The following LRRFIP2 variants were observed in gnomAD, a reference collection of about 807,000 sequenced individuals.
The protein encoded by LRRFIP2 is leucine-rich repeat flightless-interacting protein 2.
In LRRFIP2, 109 loss-of-function variants were observed where a neutral mutation model predicts 125.9. The ratio of observed to expected loss-of-function variants is 0.87; its 90% confidence interval spans 0.74 to 1.01. The LOEUF is 1.01. Among genes scored for constraint, LRRFIP2 ranks in the 50% least tolerant of loss-of-function variants. The pLI is 0.00. For missense variants in LRRFIP2, 850 were observed against 862.3 expected (o/e 0.99, Z 0.18); for synonymous variants, 291 against 293.1 (o/e 0.99, Z 0.07).
intron 1 of LRRFIP2, among the ~76,000 whole-genome samples, chr3:37,165,296 G>A (rs148036762): frequency 0.02 from 3,096 of 151,722 alleles, 50 homozygotes; most frequent in Non-Finnish European, 0.028. Context: ...TAGGTTGTGC[G>A]TTCCTTATGA....
At chr3:37,116,209 C>T (rs1357307929) in intron 6 of LRRFIP2, among the ~76,000 whole-genome samples, 2 of 152,090 alleles carry the variant, frequency 1.3e-5, no homozygotes, top group African/African-American at 2.4e-5. Context: ...ACCGCAACAT[C>T]GAACTCCTGG....
chr3:37,093,679 G>C (rs893417274), intron 17 of LRRFIP2, among the ~76,000 whole-genome samples: 1 of 152,164 alleles, frequency 6.6e-6, no homozygotes, highest in African/African-American at 2.4e-5. Flanking sequence ...AAAGCAGATA[G>C]TATTGCTCTC....
chr3:37,055,537 G>A (rs953536716), intron 25 of LRRFIP2, among the ~76,000 whole-genome samples: 1 of 152,124 alleles, frequency 6.6e-6, no homozygotes, highest in African/African-American at 2.4e-5. Flanking sequence ...CTGCACTCCA[G>A]CCTGGCAACA....
chr3:37,176,110 G>C (rs1328925734), upstream of LRRFIP2: 1 of 152,378 alleles, frequency 6.6e-6, no homozygotes, highest in Non-Finnish European at 1.5e-5. Flanking sequence ...AAGGGCCGAA[G>C]AGCTGCTCGC....
chr3:37,164,939 A>G (rs1232877769), intron 1 of LRRFIP2, among the ~76,000 whole-genome samples: 1 of 152,158 alleles, frequency 6.6e-6, no homozygotes, highest in African/African-American at 2.4e-5. Flanking sequence ...GTTACATTAT[A>G]TAAGACTGTC....
At chr3:37,112,814 T>C (rs893127716) in intron 8 of LRRFIP2, 101 bp downstream of exon 8, 3 of 605,168 alleles carry the variant, frequency 5.0e-6, no homozygotes, top group African/African-American at 3.7e-5. Context: ...CAGCAGATTA[T>C]CAAGTTTCAA....
At chr3:37,135,033 G>A (rs553126934) in intron 2 of LRRFIP2, 77 of 1,457,754 alleles carry the variant, frequency 5.3e-5, no homozygotes, top group Non-Finnish European at 6.1e-5. Context: ...GAGAGCACAC[G>A]GATCCATAAA....
chr3:37,144,048 T>A (rs1373695944), intron 2 of LRRFIP2: 5 of 152,636 alleles, frequency 3.3e-5, no homozygotes, highest in Admixed American at 6.5e-5. Context: ...GTGTCAGCGC[T>A]ACTCCTGCCT....
chr3:37,131,611 G>A (rs190443487), intron 2 of LRRFIP2, among the ~76,000 whole-genome samples: 1 of 152,286 alleles, frequency 6.6e-6, no homozygotes, highest in African/African-American at 2.4e-5. Context: ...TATCCCCTCT[G>A]ATAACTATAG....
At chr3:37,119,130 G>A (rs571783887) in intron 6 of LRRFIP2, among the ~76,000 whole-genome samples, 1 of 152,272 alleles carries the variant, frequency 6.6e-6, no homozygotes, top group East Asian at 1.9e-4. Context: ...TGCACTCACA[G>A]AGAGTAATGT....
intron 18 of LRRFIP2, among the ~76,000 whole-genome samples, chr3:37,089,378 A>G (rs2093295266): frequency 6.6e-6 from 1 of 152,196 alleles, no homozygotes; most frequent in Non-Finnish European, 1.5e-5. Context: ...CTTTCCTGAT[A>G]AAAGGATGGA....
intron 2 of LRRFIP2, among the ~76,000 whole-genome samples, chr3:37,135,720 G>A (rs2095541540): frequency 6.6e-6 from 1 of 152,076 alleles, no homozygotes; most frequent in Admixed American, 6.5e-5. Context: ...TTAAAGAAAT[G>A]TAAATTAAAA....
rs982438156 is a variant in LRRFIP2 at position 37,126,633 on chromosome 3, C to A, written c.228+997G>T. The stretch of plus-strand genomic sequence containing the variant: ...CAGCACTTTGAGAGGCCGAGGCGGG[C>A]GGATCACCTGAGGTCAGTAGTTCGA... On this transcript the variant is annotated intron_variant, in intron 4 of 27. Coordinates refer to ENST00000336686, the MANE Select transcript of LRRFIP2 (RefSeq NM_006309.4). Among the ~76,000 whole-genome samples, 3 of 151,358 alleles carry A rather than the reference C, an allele frequency of 2.0e-5. No homozygotes were observed. The East Asian group carries it at 5.9e-4, about 30-fold the overall frequency.
intron 1 of LRRFIP2, among the ~76,000 whole-genome samples, chr3:37,165,855 AAG>A (rs149728858): frequency 0.019 from 2,449 of 132,022 alleles, 22 homozygotes; most frequent in Non-Finnish European, 0.02. Flanking sequence ...GAAAGAAAGA[AAG>A]AGAAAGAAAG....
Position 37,074,907 on chromosome 3 carries a change from C to G in LRRFIP2, c.1371+117G>C. 4.4e-6 allele frequency: 3 copies of G among 674,302 alleles called. 1 individual carries two copies. The South Asian group carries it at 5.4e-5, about 12-fold the overall frequency. The allele number at this position is 674,302 out of a possible 1,614,324, so 41.8% of individuals were successfully genotyped here. A position where few individuals can be genotyped will look rare whatever the true frequency, so the allele number is the denominator to read the frequency against. On this transcript the variant is annotated intron_variant, in intron 20 of 27. Transcript: ENST00000336686. Reference sequence around the variant, plus strand: ...TGTTTGAAAATTTGTAGTGTACAGTCAAATATAAAGAGACAAACTCTGATG... The same window carrying G: ...TGTTTGAAAATTTGTAGTGTACAGTGAAATATAAAGAGACAAACTCTGATG...
intron 22 of LRRFIP2, 48 bp downstream of exon 22, chr3:37,066,176 G>T: frequency 6.7e-7 from 1 of 1,488,280 alleles, no homozygotes; most frequent in South Asian, 1.1e-5. Context: ...AAGGAAGATA[G>T]AGAGTAAAAC....
chr3:37,098,464 T>C (rs2093845789), intron 15 of LRRFIP2, among the ~76,000 whole-genome samples: 1 of 151,898 alleles, frequency 6.6e-6, no homozygotes, highest in Non-Finnish European at 1.5e-5. Context: ...CTTGGCTCAC[T>C]GCACCCTCTG....
intron 4 of LRRFIP2, among the ~76,000 whole-genome samples, chr3:37,126,006 CA>C (rs1189765901): frequency 7.4e-6 from 1 of 135,452 alleles, no homozygotes; most frequent in East Asian, 2.0e-4. Flanking sequence ...ACCAAAGAAT[CA>C]GTTTTTTTGT....
At chr3:37,055,041 C>G in intron 26 of LRRFIP2, 45 bp downstream of exon 26, 1 of 1,294,618 alleles carries the variant, frequency 7.7e-7, no homozygotes, top group Non-Finnish European at 1.1e-6. Flanking sequence ...CACTTAGATG[C>G]AGGAAGGACA....
Sources: gnomAD v4.1 joint callset for allele counts (sites outside exome capture counted in the v4.1 genomes callset) on GRCh38, gnomAD v4.1.1 for gene constraint, MANE v1.5 for transcripts, NCBI Gene and HGNC (gene_info 2026-07-23, HGNC 2026-07-21) for gene names.